Variants in STEAP1B observed in about 807,000 individuals in gnomAD.
STEAP1B encodes STEAP family member 1B.
In STEAP1B, 13 loss-of-function variants were observed where a neutral mutation model predicts 27.9. That is an observed-to-expected ratio of 0.47 (90% confidence interval 0.30 to 0.74). The LOEUF (loss-of-function observed/expected upper bound fraction) is 0.74, where lower values mean the gene tolerates loss of function less well. Ranked by LOEUF, STEAP1B falls within the 30% of genes least tolerant of loss-of-function variation. STEAP1B has a pLI of 0.06. For missense variants in STEAP1B, 250 were observed against 298.7 expected (o/e 0.84, Z 1.20); for synonymous variants, 86 against 107.1 (o/e 0.80, Z 1.22).
chr7:22,491,189 T>C (rs1167758338), intron 4 of STEAP1B, among the ~76,000 whole-genome samples: 1 of 152,236 alleles, frequency 6.6e-6, no homozygotes, highest in African/African-American at 2.4e-5. Flanking sequence ...TGGTTGAAGC[T>C]AGTGTGTTGA....
chr7:22,441,485 A>T (rs180686964), intron 4 of STEAP1B, among the ~76,000 whole-genome samples: 262 of 151,424 alleles, frequency 1.7e-3, no homozygotes, highest in African/African-American at 6.1e-3. Context: ...AAGTAATTCA[A>T]TTACAGTCTG....
At chr7:22,497,947 G>A (rs1330083046) in intron 1 of STEAP1B, among the ~76,000 whole-genome samples, 1 of 152,150 alleles carries the variant, frequency 6.6e-6, no homozygotes, top group East Asian at 1.9e-4. Context: ...GTAGGGGAAG[G>A]GGGATAGGGT....
intron 1 of STEAP1B, among the ~76,000 whole-genome samples, chr7:22,495,157 A>G (rs1398665078): frequency 1.3e-5 from 2 of 152,260 alleles, no homozygotes; most frequent in Non-Finnish European, 2.9e-5. Flanking sequence ...AAAGGGTCAC[A>G]TGTTGCCTTT....
chr7:22,420,792 C>A (rs1029625582), intron 4 of STEAP1B, among the ~76,000 whole-genome samples: 1 of 152,210 alleles, frequency 6.6e-6, no homozygotes, highest in South Asian at 2.1e-4. Context: ...CTGGCATATT[C>A]TAATCACTTA....
chr7:22,462,708 T>G (rs1785700721), intron 4 of STEAP1B, among the ~76,000 whole-genome samples: 2 of 151,126 alleles, frequency 1.3e-5, no homozygotes, highest in Non-Finnish European at 2.9e-5. Context: ...GCATGTGTCT[T>G]TATAGCAGCA....
At chr7:22,454,758 T>C (rs530090911) in intron 4 of STEAP1B, among the ~76,000 whole-genome samples, 92 of 151,032 alleles carry the variant, frequency 6.1e-4, no homozygotes, top group South Asian at 4.2e-3. Flanking sequence ...GAAGCAAAAC[T>C]CTTCTCCTGC....
chr7:22,422,060 T>C (rs1345516585), intron 4 of STEAP1B, among the ~76,000 whole-genome samples: 1 of 152,268 alleles, frequency 6.6e-6, no homozygotes, highest in African/African-American at 2.4e-5. Context: ...TCTTTAATGA[T>C]GTTACCATTG....
At chr7:22,450,154 T>G (rs910982853) in intron 4 of STEAP1B, among the ~76,000 whole-genome samples, 3 of 152,230 alleles carry the variant, frequency 2.0e-5, no homozygotes, top group African/African-American at 7.2e-5. Flanking sequence ...TATTTGTCCA[T>G]TTTTGCTTTG....
intron 1 of STEAP1B, among the ~76,000 whole-genome samples, chr7:22,496,391 G>T (rs1355766536): frequency 2.6e-5 from 4 of 152,024 alleles, no homozygotes; most frequent in African/African-American, 9.7e-5. Flanking sequence ...TAAATGTAGG[G>T]TAGCCTTAGT....
At chr7:22,457,136 G>A (rs1289535949) in intron 4 of STEAP1B, among the ~76,000 whole-genome samples, 1 of 151,128 alleles carries the variant, frequency 6.6e-6, no homozygotes, top group Non-Finnish European at 1.5e-5. Context: ...AAATCCAGAG[G>A]ATCCACCAAT....
intron 4 of STEAP1B, among the ~76,000 whole-genome samples, chr7:22,487,514 G>A (rs922842966): frequency 5.3e-5 from 8 of 151,882 alleles, no homozygotes; most frequent in African/African-American, 1.9e-4. Flanking sequence ...ACACATGCCG[G>A]GCGCGTTGGC....
chr7:22,456,146 C>CAA (rs149210913), intron 4 of STEAP1B, among the ~76,000 whole-genome samples: 11 of 138,006 alleles, frequency 8.0e-5, no homozygotes, highest in East Asian at 2.1e-4. Context: ...GACTCCATCT[C>CAA]AAAAAAAAAA....
intron 4 of STEAP1B, among the ~76,000 whole-genome samples, chr7:22,485,417 T>G (rs1248823794): frequency 1.3e-5 from 2 of 152,242 alleles, no homozygotes; most frequent in Non-Finnish European, 2.9e-5. Context: ...ATAAAGTATT[T>G]TAAATTAAGA....
At chr7:22,485,051 G>A (rs1309112175) in intron 4 of STEAP1B, among the ~76,000 whole-genome samples, 1 of 152,222 alleles carries the variant, frequency 6.6e-6, no homozygotes, top group Non-Finnish European at 1.5e-5. Context: ...ATCTATTCCT[G>A]GAGAAGACGC....
At chr7:22,478,411 T>G (rs1268137373) in intron 4 of STEAP1B, among the ~76,000 whole-genome samples, 3 of 152,234 alleles carry the variant, frequency 2.0e-5, no homozygotes, top group African/African-American at 7.2e-5. Flanking sequence ...CTGTCTGCTC[T>G]AATCGTAATG....
intron 4 of STEAP1B, among the ~76,000 whole-genome samples, chr7:22,445,073 T>C (rs1432646939): frequency 6.6e-6 from 1 of 152,256 alleles, no homozygotes; most frequent in African/African-American, 2.4e-5. Flanking sequence ...CAGGTTCACC[T>C]GAAGAATTTG....
chr7:22,476,821 T>A (rs1306967310), intron 4 of STEAP1B, among the ~76,000 whole-genome samples: 1 of 152,216 alleles, frequency 6.6e-6, no homozygotes, highest in Non-Finnish European at 1.5e-5. Context: ...ACATCATGGC[T>A]GTACTGGGTT....
chr7:22,441,914 T>C (rs1208111320), intron 4 of STEAP1B, among the ~76,000 whole-genome samples: 1 of 152,254 alleles, frequency 6.6e-6, no homozygotes, highest in African/African-American at 2.4e-5. Context: ...GTAAGACTTT[T>C]GAATAAAACT....
At chr7:22,469,051 A>G (rs931318972) in intron 4 of STEAP1B, among the ~76,000 whole-genome samples, 1 of 152,162 alleles carries the variant, frequency 6.6e-6, no homozygotes, top group Admixed American at 6.5e-5. Context: ...GGTATTCCAG[A>G]AGAAGGAATT....
Sources: allele counts gnomAD v4.1 joint callset (sites outside exome capture counted in the v4.1 genomes callset), GRCh38; gene constraint gnomAD v4.1.1; transcripts MANE v1.5; gene names NCBI Gene and HGNC (gene_info 2026-07-23, HGNC 2026-07-21).